STAG1: variants seen among roughly 807,000 people sequenced by gnomAD.
STAG1 encodes STAG1 cohesin complex component.
A neutral mutation model predicts 170.9 loss-of-function variants in STAG1; 26 were observed. The ratio of observed to expected loss-of-function variants is 0.15; its 90% confidence interval spans 0.11 to 0.21. The LOEUF (loss-of-function observed/expected upper bound fraction) is 0.21, where lower values mean the gene tolerates loss of function less well. STAG1 is among the 10% of genes least tolerant of loss of function. The pLI, the probability that STAG1 is intolerant of heterozygous loss-of-function variation, is 1.00. For synonymous variants in STAG1, 514 were observed against 497.7 expected (o/e 1.03, Z -0.44); for missense variants, 964 against 1,509.5 (o/e 0.64, Z 5.99).
At chr3:136,467,414 G>A (rs1429939953) in intron 12 of STAG1, among the ~76,000 whole-genome samples, 1 of 152,106 alleles carries the variant, frequency 6.6e-6, no homozygotes, top group South Asian at 2.1e-4. Flanking sequence ...GACAAAGAAG[G>A]CCATTACATA....
At chr3:136,342,919 A>G (rs572897747) in intron 30 of STAG1, among the ~76,000 whole-genome samples, 1 of 152,322 alleles carries the variant, frequency 6.6e-6, no homozygotes, top group Admixed American at 6.5e-5. Context: ...TGCTTGCCAT[A>G]AGGCAAACCA....
intron 3 of STAG1, among the ~76,000 whole-genome samples, chr3:136,621,057 G>A (rs564773927): frequency 4.6e-5 from 7 of 152,190 alleles, no homozygotes; most frequent in Non-Finnish European, 8.8e-5. Flanking sequence ...GAACCCAGGA[G>A]GCACGGGTTG....
chr3:136,452,169 T>A (rs1042337030), intron 13 of STAG1, 22 bp from the exon 14 acceptor site: 2 of 1,490,842 alleles, frequency 1.3e-6, no homozygotes, highest in African/African-American at 2.8e-5. Flanking sequence ...AAACAGGGCA[T>A]TGCAAAGTTA....
intron 7 of STAG1, among the ~76,000 whole-genome samples, chr3:136,507,179 G>T (rs1162893615): frequency 1.3e-5 from 2 of 152,128 alleles, no homozygotes; most frequent in Non-Finnish European, 2.9e-5. Context: ...AGGCAGCCTT[G>T]CTCCATAGTC....
intron 3 of STAG1, among the ~76,000 whole-genome samples, chr3:136,614,621 T>A (rs1487529844): frequency 6.6e-6 from 1 of 152,230 alleles, no homozygotes; most frequent in Non-Finnish European, 1.5e-5. Context: ...AGGACAACTG[T>A]ATACTATTCA....
At chr3:136,551,307 G>A (rs954718530) in intron 5 of STAG1, among the ~76,000 whole-genome samples, 1 of 146,826 alleles carries the variant, frequency 6.8e-6, no homozygotes, top group Admixed American at 6.9e-5. Context: ...GAGTGCAGTG[G>A]CACAATCCTG....
intron 27 of STAG1, among the ~76,000 whole-genome samples, chr3:136,358,865 C>T (rs1270805827): frequency 6.6e-6 from 1 of 152,166 alleles, no homozygotes; most frequent in African/African-American, 2.4e-5. Flanking sequence ...TGAACCACCA[C>T]ACCCAGCCTG....
chr3:136,404,051 T>A (rs145136104), intron 21 of STAG1, among the ~76,000 whole-genome samples: 171 of 152,332 alleles, frequency 1.1e-3, no homozygotes, highest in Admixed American at 2.9e-3. Flanking sequence ...CTTAGCCATT[T>A]TGATATTTTG....
intron 7 of STAG1, among the ~76,000 whole-genome samples, chr3:136,519,617 C>T (rs1202938772): frequency 6.8e-6 from 1 of 147,200 alleles, no homozygotes; most frequent in Non-Finnish European, 1.5e-5. Context: ...AGAAGTAAGA[C>T]GAAAAGGAAC....
Position 136,521,261 on chromosome 3 carries a change from A to C in STAG1, c.628T>G (p.Leu210Val), listed in dbSNP as rs1276441157. 1 of 1,613,708 alleles carries C rather than the reference A, an allele frequency of 6.2e-7. No homozygotes were observed. Among genetic ancestry groups the C allele is most frequent in the Non-Finnish European group, 8.5e-7 (1 of 1,179,824 alleles). Residue 210 changes from leucine (L) to valine (V), a missense_variant, in exon 7 of 34, where the codon TTG (leucine) becomes GTG (valine). Leu to Val is a conservative substitution (Grantham distance 32). This residue lies in a region of STAG1 where 0 missense variants were observed against 24.6 expected (regional missense o/e 0.00). Coordinates refer to ENST00000383202, the MANE Select transcript of STAG1 (RefSeq NM_005862.3). ...AAAGCTCTGACCTGGGAGTCTGACA[A>C]ACCCGTCAAAAGGGAGATTACTGTG... is the stretch of plus-strand genomic sequence containing the variant. Reference protein sequence around the residue: ...MDTVISLLTGLSDSQVRAFRH... With the variant: ...MDTVISLLTGVSDSQVRAFRH...
chr3:136,512,558 A>T (rs1002018009), intron 7 of STAG1, among the ~76,000 whole-genome samples: 2 of 152,194 alleles, frequency 1.3e-5, no homozygotes, highest in Non-Finnish European at 2.9e-5. Context: ...ATCCAGAGTC[A>T]TCAGACATAT....
At chr3:136,633,992 T>G (rs1317867447) in intron 1 of STAG1, among the ~76,000 whole-genome samples, 1 of 34,152 alleles carries the variant, frequency 2.9e-5, no homozygotes, top group Non-Finnish European at 8.9e-5. Context: ...AAAAAAAAAA[T>G]TAGCCAGGCA....
intron 4 of STAG1, among the ~76,000 whole-genome samples, chr3:136,580,791 C>A (rs1457859908): frequency 6.6e-6 from 1 of 151,970 alleles, no homozygotes; most frequent in Non-Finnish European, 1.5e-5. Flanking sequence ...CCTCGGCCTC[C>A]CAAAGTGCTG....
intron 9 of STAG1, among the ~76,000 whole-genome samples, chr3:136,496,140 G>A (rs1012342786): frequency 2.2e-4 from 33 of 152,004 alleles, no homozygotes; most frequent in African/African-American, 7.0e-4. Context: ...GGGAGACTCC[G>A]TCTCAAAAAA....
intron 1 of STAG1, among the ~76,000 whole-genome samples, chr3:136,722,609 A>ACTCTCCCTCTCC (rs757130573): frequency 4.9e-5 from 7 of 143,648 alleles, no homozygotes; most frequent in African/African-American, 1.6e-4. Flanking sequence ...GGAGAGCATG[A>ACTCTCCCTCTCC]CTCTCCCTCT....
At chr3:136,505,255 C>A (rs1473275351) in intron 7 of STAG1, among the ~76,000 whole-genome samples, 1 of 152,176 alleles carries the variant, frequency 6.6e-6, no homozygotes, top group Non-Finnish European at 1.5e-5. Flanking sequence ...GTGGCTTCTT[C>A]TTGTCTAGCA....
intron 5 of STAG1, among the ~76,000 whole-genome samples, chr3:136,551,165 CTTT>C (rs750035148): frequency 3.8e-5 from 3 of 79,112 alleles, no homozygotes. Context: ...TTTTTAACTC[CTTT>C]TTTTTTTTTT....
At chr3:136,368,750 G>C (rs1937177674) in intron 24 of STAG1, among the ~76,000 whole-genome samples, 1 of 152,180 alleles carries the variant, frequency 6.6e-6, no homozygotes, top group Non-Finnish European at 1.5e-5. Context: ...GACAGGAAAA[G>C]ATCTGAGGTA....
chr3:136,689,224 CA>C, intron 1 of STAG1, among the ~76,000 whole-genome samples: 1 of 152,278 alleles, frequency 6.6e-6, no homozygotes, highest in East Asian at 1.9e-4. Flanking sequence ...ATAACCAATA[CA>C]TATTGCATAC....
Sources: allele counts gnomAD v4.1 joint callset (sites outside exome capture counted in the v4.1 genomes callset), GRCh38; gene constraint gnomAD v4.1.1; regional missense constraint gnomAD v4.1.1; transcripts MANE v1.5; gene names NCBI Gene and HGNC (gene_info 2026-07-23, HGNC 2026-07-21).